AFF2: variants seen among roughly 807,000 people sequenced by gnomAD.
The protein encoded by AFF2 is AF4/FMR2 family member 2.
A neutral mutation model predicts 76.9 loss-of-function variants in AFF2; 14 were observed. The observed-to-expected ratio is 0.18, with a 90% confidence interval of 0.12 to 0.28. The LOEUF is 0.28. Ranked by LOEUF, AFF2 falls within the 10% of genes least tolerant of loss-of-function variation. The probability of loss-of-function intolerance (pLI) is 1.00; values close to 1 mark genes in which losing one functional copy is unlikely to be tolerated. For missense variants in AFF2, 868 were observed against 1,001.1 expected, an observed-to-expected ratio of 0.87 and a Z score of 1.79; for synonymous variants, 398 against 366.7, an observed-to-expected ratio of 1.09 and a Z score of -0.98.
At chrX:148,784,589 T>C (rs1275553809) in intron 3 of AFF2, among the ~76,000 whole-genome samples, 5 of 111,694 alleles carry the variant, frequency 4.5e-5, no homozygotes, top group Admixed American at 1.9e-4. Flanking sequence ...AAGGATGAGA[T>C]AGTTCTCACT....
intron 5 of AFF2, 73 bp from the exon 6 acceptor site, chrX:148,842,893 A>G (rs1569556107): frequency 1.2e-6 from 1 of 866,094 alleles, no homozygotes; most frequent in East Asian, 3.4e-5. Flanking sequence ...TATCTTCAGC[A>G]ATAATTAATA....
chrX:148,554,719 A>C (rs1364952507), intron 1 of AFF2, among the ~76,000 whole-genome samples: 1 of 112,625 alleles, frequency 8.9e-6, no homozygotes, highest in East Asian at 2.8e-4. Flanking sequence ...GGAGCATGCT[A>C]TCCCTGAATC....
chrX:148,933,560 G>T (rs1166514012), intron 9 of AFF2, among the ~76,000 whole-genome samples: 1 of 111,272 alleles, frequency 9.0e-6, no homozygotes. Context: ...GTGGTGATGA[G>T]CGGTGAAGAG....
chrX:148,901,970 G>T (rs782184014), intron 8 of AFF2, among the ~76,000 whole-genome samples: 1 of 111,669 alleles, frequency 9.0e-6, no homozygotes, highest in Non-Finnish European at 1.9e-5. Context: ...AATTTCCAAA[G>T]AAAAGAGAAC....
chrX:148,683,964 CATT>C (rs1170305300), intron 3 of AFF2, among the ~76,000 whole-genome samples: 1 of 111,740 alleles, frequency 8.9e-6, no homozygotes, highest in African/African-American at 3.3e-5. Context: ...GACTTTCCAT[CATT>C]AAGATGAATT....
chrX:148,802,633 A>G (rs1603303583), intron 3 of AFF2, among the ~76,000 whole-genome samples: 1 of 111,858 alleles, frequency 8.9e-6, no homozygotes, highest in Admixed American at 9.5e-5. Context: ...TGAAGAAGTG[A>G]ATTGTCCCAA....
At chrX:148,534,103 A>G (rs1160144498) in intron 1 of AFF2, among the ~76,000 whole-genome samples, 1 of 112,355 alleles carries the variant, frequency 8.9e-6, no homozygotes, top group African/African-American at 3.2e-5. Context: ...AATTCACTCT[A>G]ACTCACTAGG....
intron 8 of AFF2, among the ~76,000 whole-genome samples, chrX:148,902,699 G>A (rs1283968162): frequency 8.9e-6 from 1 of 111,831 alleles, no homozygotes; most frequent in Non-Finnish European, 1.9e-5. Flanking sequence ...TGACAGATGA[G>A]TTGGGCCAGC....
chrX:148,563,392 C>A (rs2053135743), intron 1 of AFF2, among the ~76,000 whole-genome samples: 1 of 111,641 alleles, frequency 9.0e-6, no homozygotes, highest in African/African-American at 3.3e-5. Flanking sequence ...GCAGTGGAGG[C>A]CAGCTGGGAG....
intron 1 of AFF2, among the ~76,000 whole-genome samples, chrX:148,643,071 T>C (rs954695028): frequency 4.5e-5 from 5 of 111,748 alleles, no homozygotes; most frequent in Admixed American, 1.9e-4. Context: ...TAGGGAATTA[T>C]AAATGAGATT....
chrX:148,642,027 A>T (rs1557254778), intron 1 of AFF2, among the ~76,000 whole-genome samples: 1 of 112,561 alleles, frequency 8.9e-6, no homozygotes, highest in Non-Finnish European at 1.9e-5. Flanking sequence ...GGTTACCCTG[A>T]TTCTAGTCAG....
chrX:148,781,130 C>T (rs2069738200), intron 3 of AFF2, among the ~76,000 whole-genome samples: 1 of 111,992 alleles, frequency 8.9e-6, no homozygotes, highest in Non-Finnish European at 1.9e-5. Flanking sequence ...AGCTTCGTCC[C>T]AGAAGGGCAC....
chrX:148,631,226 T>C (rs2053977409), intron 1 of AFF2, among the ~76,000 whole-genome samples: 1 of 112,087 alleles, frequency 8.9e-6, no homozygotes, highest in African/African-American at 3.2e-5. Context: ...AAATGTAATG[T>C]ACCCTTTATC....
chrX:148,569,496 A>G (rs1224473053), intron 1 of AFF2, among the ~76,000 whole-genome samples: 4 of 111,976 alleles, frequency 3.6e-5, no homozygotes, highest in Admixed American at 9.5e-5. Flanking sequence ...GAAATATGCC[A>G]TATTTTCTAG....
intron 9 of AFF2, among the ~76,000 whole-genome samples, chrX:148,942,879 G>T (rs782078105): frequency 9.0e-6 from 1 of 111,041 alleles, no homozygotes; most frequent in Admixed American, 9.5e-5. Context: ...GTCAGGAAGA[G>T]AAGGGTTGTT....
intron 9 of AFF2, among the ~76,000 whole-genome samples, chrX:148,950,222 C>T (rs1213961455): frequency 8.9e-6 from 1 of 112,034 alleles, no homozygotes; most frequent in African/African-American, 3.2e-5. Context: ...TGGGAGCAGT[C>T]CCAACCGGGC....
rs782233459 is a variant in AFF2, at chrX:148,567,153, A to G, written c.47+66009A>G. Among the ~76,000 whole-genome samples the G allele has an allele frequency of 3.6e-5, 4 of 111,929 alleles. No homozygotes were observed. In the East Asian group the frequency reaches 8.5e-4, roughly 24 times the overall value. On this transcript the variant is annotated intron_variant, in intron 1 of 20. Transcript: ENST00000370460. ...TGAAATTTAATAGAAGACTGAACAC[A>G]TACAACCATGCAGCGGATTTAGTGT... is the stretch of plus-strand genomic sequence containing the variant.
intron 3 of AFF2, among the ~76,000 whole-genome samples, chrX:148,716,416 A>T (rs1417580419): frequency 8.9e-5 from 10 of 111,891 alleles, no homozygotes; most frequent in Admixed American, 2.8e-4. Flanking sequence ...CTGATAGAAG[A>T]ATCTATGCCA....
intron 3 of AFF2, among the ~76,000 whole-genome samples, chrX:148,751,547 A>G (rs1354300387): frequency 1.8e-5 from 2 of 112,142 alleles, no homozygotes; most frequent in Non-Finnish European, 3.8e-5. Context: ...TGTAGGAGAA[A>G]GCACATTACA....
Sources: gnomAD v4.1 joint callset for allele counts (sites outside exome capture counted in the v4.1 genomes callset) on GRCh38, gnomAD v4.1.1 for gene constraint, MANE v1.5 for transcripts, NCBI Gene and HGNC (gene_info 2026-07-23, HGNC 2026-07-21) for gene names.